The following GLRA3 variants were observed in gnomAD, a reference collection of about 807,000 sequenced individuals.
The protein encoded by GLRA3 is glycine receptor alpha 3, also known as glycine receptor subunit alpha-3.
In GLRA3, 44 loss-of-function variants were observed where a neutral mutation model predicts 60.4. The ratio of observed to expected loss-of-function variants is 0.73; its 90% CI spans 0.57 to 0.94. GLRA3 has a LOEUF of 0.94. Ranked by LOEUF, GLRA3 falls within the 40% of genes least tolerant of loss-of-function variation. GLRA3 has a pLI of 0.00. For synonymous variants in GLRA3, 223 were observed against 192.9 expected, an observed-to-expected ratio of 1.16 and a Z score of -1.29; for missense variants, 508 against 564.6, an observed-to-expected ratio of 0.90 and a Z score of 1.02.
At chr4:174,787,217 A>C (rs937735716) in intron 2 of GLRA3, among the ~76,000 whole-genome samples, 6 of 152,128 alleles carry the variant, frequency 3.9e-5, no homozygotes, top group African/African-American at 1.4e-4. Context: ...GACTGTTTAT[A>C]TGCTTTTTAA....
chr4:174,708,644 G>T (rs1735600902), intron 5 of GLRA3, among the ~76,000 whole-genome samples: 1 of 147,204 alleles, frequency 6.8e-6, no homozygotes. Flanking sequence ...TTGTTGCCCG[G>T]GCTGCAGTGC....
chr4:174,790,843 A>G (rs972576320), intron 1 of GLRA3, among the ~76,000 whole-genome samples: 30 of 148,066 alleles, frequency 2.0e-4, no homozygotes, highest in Middle Eastern at 3.4e-3. Context: ...AAAAAAAAAA[A>G]AAAGAAAGAA....
At chr4:174,743,122 C>G (rs904051483) in intron 3 of GLRA3, among the ~76,000 whole-genome samples, 5 of 151,924 alleles carry the variant, frequency 3.3e-5, no homozygotes, top group African/African-American at 1.2e-4. Flanking sequence ...TTCTGTAAAC[C>G]TTTTATACAG....
chr4:174,664,885 T>C (rs1264238428), intron 7 of GLRA3, among the ~76,000 whole-genome samples: 1 of 152,200 alleles, frequency 6.6e-6, no homozygotes, highest in Non-Finnish European at 1.5e-5. Flanking sequence ...TGAACCCAAG[T>C]TCTGTTGTTA....
At chr4:174,767,593 C>A (rs1738200752) in intron 2 of GLRA3, among the ~76,000 whole-genome samples, 1 of 152,050 alleles carries the variant, frequency 6.6e-6, no homozygotes, top group African/African-American at 2.4e-5. Context: ...CCAGTGAAAT[C>A]TCCATTTAGT....
intron 7 of GLRA3, among the ~76,000 whole-genome samples, chr4:174,674,578 A>T (rs1193446283): frequency 6.6e-6 from 1 of 152,120 alleles, no homozygotes; most frequent in East Asian, 1.9e-4. Context: ...AGTCTTACTT[A>T]AGCAATTTCT....
At chr4:174,755,701 T>C (rs1036894280) in intron 3 of GLRA3, among the ~76,000 whole-genome samples, 1 of 151,964 alleles carries the variant, frequency 6.6e-6, no homozygotes. Context: ...TAAAGAGATA[T>C]TATAGAAACT....
chr4:174,802,324 T>C (rs1373556969), intron 1 of GLRA3, among the ~76,000 whole-genome samples: 1 of 152,086 alleles, frequency 6.6e-6, no homozygotes, highest in Non-Finnish European at 1.5e-5. Context: ...TTGTCTCATC[T>C]ACGTTCCTTT....
chr4:174,728,117 C>T (rs1374560089), intron 4 of GLRA3, among the ~76,000 whole-genome samples: 1 of 152,126 alleles, frequency 6.6e-6, no homozygotes, highest in African/African-American at 2.4e-5. Context: ...CTAAACATTT[C>T]TTAACCTGTA....
At chr4:174,778,499 C>A (rs553884198) in intron 2 of GLRA3, among the ~76,000 whole-genome samples, 1 of 152,156 alleles carries the variant, frequency 6.6e-6, no homozygotes, top group Non-Finnish European at 1.5e-5. Flanking sequence ...GGAACAGCTC[C>A]TGTCTACAGC....
At chr4:174,811,769 G>A (rs569876388) in intron 1 of GLRA3, among the ~76,000 whole-genome samples, 2 of 152,174 alleles carry the variant, frequency 1.3e-5, no homozygotes, top group African/African-American at 4.8e-5. Flanking sequence ...GTTTGATAAC[G>A]GGTGGATCAT....
intron 7 of GLRA3, among the ~76,000 whole-genome samples, chr4:174,674,284 T>C (rs903666580): frequency 1.3e-5 from 2 of 152,210 alleles, no homozygotes; most frequent in Non-Finnish European, 2.9e-5. Context: ...CCCAAGCACA[T>C]GGTGTAAGAA....
At chr4:174,796,194 C>A (rs2111326724) in intron 1 of GLRA3, among the ~76,000 whole-genome samples, 1 of 152,176 alleles carries the variant, frequency 6.6e-6, no homozygotes, top group Non-Finnish European at 1.5e-5. Context: ...GCCCCTTCCA[C>A]CATGTGAGGT....
chr4:174,655,017 A>G (rs1733148566), intron 9 of GLRA3, among the ~76,000 whole-genome samples: 1 of 152,180 alleles, frequency 6.6e-6, no homozygotes, highest in Non-Finnish European at 1.5e-5. Context: ...CCTAGTTAAA[A>G]CTTTCCTAGG....
intron 9 of GLRA3, among the ~76,000 whole-genome samples, chr4:174,647,458 A>G (rs1358584061): frequency 6.8e-6 from 1 of 146,010 alleles, no homozygotes; most frequent in Admixed American, 7.1e-5. Flanking sequence ...GGAAAGAGAC[A>G]CAGCCAGTAA....
At chr4:174,676,363 A>ACTATGGGCCAGAGT (rs367600881) in intron 7 of GLRA3, among the ~76,000 whole-genome samples, 9,936 of 152,166 alleles carry the variant, frequency 0.065, 389 homozygotes, top group South Asian at 0.12. Context: ...CTCAGGGTGC[A>ACTATGGGCCAGAGT]GCACTATGGG....
intron 2 of GLRA3, among the ~76,000 whole-genome samples, chr4:174,776,510 C>T (rs1738605861): frequency 6.6e-6 from 1 of 150,852 alleles, no homozygotes; most frequent in Non-Finnish European, 1.5e-5. Context: ...ACAAAAGGGG[C>T]AGAATGCAAT....
chr4:174,746,724 C>A (rs566748461), intron 3 of GLRA3, among the ~76,000 whole-genome samples: 1 of 152,258 alleles, frequency 6.6e-6, no homozygotes, highest in South Asian at 2.1e-4. Flanking sequence ...ATTTCTGATA[C>A]CAATACATAA....
At chr4:174,737,413 T>C (rs928577697) in intron 3 of GLRA3, among the ~76,000 whole-genome samples, 1 of 152,218 alleles carries the variant, frequency 6.6e-6, no homozygotes, top group Non-Finnish European at 1.5e-5. Context: ...AAAACTTTGT[T>C]GTATTTGACA....
Sources: allele counts gnomAD v4.1 joint callset (sites outside exome capture counted in the v4.1 genomes callset), GRCh38; gene constraint gnomAD v4.1.1; transcripts MANE v1.5; gene names NCBI Gene and HGNC (gene_info 2026-07-23, HGNC 2026-07-21).